CEP112: variants seen among roughly 807,000 people sequenced by gnomAD.
CEP112 encodes the protein centrosomal protein 112.
CEP112 carries 127 observed loss-of-function variants against 153.0 expected under a neutral mutation model. The ratio of observed to expected loss-of-function variants is 0.83; its 90% CI spans 0.72 to 0.96. The LOEUF (loss-of-function observed/expected upper bound fraction) is 0.96, where lower values mean the gene tolerates loss of function less well. Ranked by LOEUF, CEP112 falls within the 40% of genes least tolerant of loss-of-function variation. CEP112 has a pLI of 0.00. For missense variants in CEP112, 1,089 were observed against 1,101.2 expected, an observed-to-expected ratio of 0.99 and a Z score of 0.16; for synonymous variants, 358 against 374.4, an observed-to-expected ratio of 0.96 and a Z score of 0.51.
At chr17:65,992,430 T>A (rs2063627795) in intron 17 of CEP112, among the ~76,000 whole-genome samples, 1 of 152,198 alleles carries the variant, frequency 6.6e-6, no homozygotes, top group South Asian at 2.1e-4. Flanking sequence ...CAAGAAGCTA[T>A]ATGTCAGTTT....
intron 4 of CEP112, among the ~76,000 whole-genome samples, chr17:66,138,582 A>C (rs1328780863): frequency 6.6e-6 from 1 of 152,230 alleles, no homozygotes; most frequent in Non-Finnish European, 1.5e-5. Flanking sequence ...GTGTGTGAGT[A>C]AAAGTATTGA....
rs545839802 is a variant in CEP112 at position 65,754,420 on chromosome 17, C to T, written c.2395-3696G>A. Reference sequence around the variant, plus strand: ...GGCCAGGAGTTCGAGACCAGCCTGGCCAAAATGGTGAAACCCTGTCCCTAC... The same window carrying T: ...GGCCAGGAGTTCGAGACCAGCCTGGTCAAAATGGTGAAACCCTGTCCCTAC... On this transcript the variant is annotated intron_variant, in intron 21 of 26. Transcript: ENST00000535342. Among the ~76,000 whole-genome samples, 4 of 152,124 alleles carry T rather than the reference C, an allele frequency of 2.6e-5. No homozygotes were observed. In the South Asian group the frequency reaches 8.3e-4, roughly 32 times the overall value.
rs59802008 is a variant in CEP112, at chr17:66,188,286, A to AACACACAC, written c.-9+3703_-9+3710dup. Among the ~76,000 whole-genome samples, 804 of 109,466 alleles carry AACACACAC rather than the reference A, an allele frequency of 7.3e-3. 4 individuals carry two copies. The highest frequency in any genetic ancestry group is 9.9e-3 in the Middle Eastern group (2 of 202). The allele number at this position is 109,466 out of a possible 152,430, so 71.8% of individuals were successfully genotyped here. On this transcript the variant is annotated intron_variant, in intron 1 of 26. Transcript: ENST00000535342. ...GCCTGTCTCTCACACCACACACACA[A>AACACACAC]ACACACACACACACACACACACACA... is the stretch of plus-strand genomic sequence containing the variant.
chr17:65,880,545 T>C (rs1313067155), intron 20 of CEP112, among the ~76,000 whole-genome samples: 1 of 152,234 alleles, frequency 6.6e-6, no homozygotes, highest in African/African-American at 2.4e-5. Flanking sequence ...TAAAATGTGA[T>C]GACTATTTAC....
intron 22 of CEP112, among the ~76,000 whole-genome samples, chr17:65,744,059 GGCCT>G (rs1288812175): frequency 6.6e-6 from 1 of 152,050 alleles, no homozygotes; most frequent in East Asian, 1.9e-4. Flanking sequence ...CACTGTGCCC[GGCCT>G]GCCTATCTTT....
At chr17:65,955,619 A>G (rs2061976550) in intron 18 of CEP112, among the ~76,000 whole-genome samples, 1 of 152,184 alleles carries the variant, frequency 6.6e-6, no homozygotes, top group African/African-American at 2.4e-5. Flanking sequence ...CCTAACACAT[A>G]AGGACTCACA....
intron 23 of CEP112, among the ~76,000 whole-genome samples, chr17:65,716,195 C>T (rs1272668331): frequency 2.0e-5 from 3 of 151,808 alleles, no homozygotes; most frequent in Non-Finnish European, 4.4e-5. Flanking sequence ...CTCGCTCTGT[C>T]GCCCAGGCTG....
chr17:65,948,536 T>G (rs948670622), intron 18 of CEP112, among the ~76,000 whole-genome samples: 1 of 151,648 alleles, frequency 6.6e-6, no homozygotes, highest in East Asian at 1.9e-4. Context: ...TCACAGAGAA[T>G]AGGTAAATAT....
intron 6 of CEP112, among the ~76,000 whole-genome samples, chr17:66,107,712 A>G (rs2068845209): frequency 6.6e-6 from 1 of 152,172 alleles, no homozygotes; most frequent in Admixed American, 6.5e-5. Context: ...TAAAATGTCC[A>G]TACTACCCAA....
intron 8 of CEP112, among the ~76,000 whole-genome samples, chr17:66,085,488 A>G (rs565816853): frequency 6.6e-6 from 1 of 152,296 alleles, no homozygotes; most frequent in South Asian, 2.1e-4. Context: ...CACATAATAC[A>G]CAAAGATATG....
chr17:65,636,306 T>C (rs1250698162), intron 26 of CEP112, among the ~76,000 whole-genome samples: 1 of 152,222 alleles, frequency 6.6e-6, no homozygotes, highest in African/African-American at 2.4e-5. Context: ...AACCTTTGAC[T>C]ACAAAAGGTC....
At chr17:65,902,837 T>TG (rs2059925493) in intron 19 of CEP112, among the ~76,000 whole-genome samples, 1 of 152,312 alleles carries the variant, frequency 6.6e-6, no homozygotes, top group South Asian at 2.1e-4. Context: ...ATTATCTCGT[T>TG]GTCAGCTACG....
chr17:66,095,511 G>A (rs958921750), intron 8 of CEP112, among the ~76,000 whole-genome samples: 27 of 152,266 alleles, frequency 1.8e-4, no homozygotes, highest in African/African-American at 5.5e-4. Flanking sequence ...GAGGCCAGGC[G>A]ACAAGGAGTG....
At chr17:65,709,018 C>T (rs1000229521) in intron 23 of CEP112, among the ~76,000 whole-genome samples, 11 of 152,018 alleles carry the variant, frequency 7.2e-5, no homozygotes, top group African/African-American at 2.4e-4. Context: ...ATCCTATTTC[C>T]CCGGCTTCAG....
intron 20 of CEP112, among the ~76,000 whole-genome samples, chr17:65,857,447 G>C (rs940727691): frequency 7.2e-5 from 11 of 152,098 alleles, no homozygotes; most frequent in African/African-American, 2.7e-4. Context: ...TCTTGATACT[G>C]ATGGCTTGCT....
chr17:66,157,045 T>A (rs1397874130), intron 4 of CEP112, among the ~76,000 whole-genome samples: 2 of 152,050 alleles, frequency 1.3e-5, no homozygotes, highest in Non-Finnish European at 2.9e-5. Context: ...AAGACACTCC[T>A]CAAGAAGAGC....
chr17:66,070,328 A>C (rs1345071134), intron 8 of CEP112, among the ~76,000 whole-genome samples: 1 of 152,146 alleles, frequency 6.6e-6, no homozygotes, highest in Non-Finnish European at 1.5e-5. Flanking sequence ...TTACATTTAA[A>C]TCCACACAGT....
At chr17:66,105,161 GT>G (rs889164049) in intron 6 of CEP112, among the ~76,000 whole-genome samples, 4 of 152,124 alleles carry the variant, frequency 2.6e-5, no homozygotes, top group African/African-American at 9.7e-5. Flanking sequence ...GAAGTGTAGA[GT>G]TTTTATTAGT....
intron 17 of CEP112, among the ~76,000 whole-genome samples, chr17:65,974,538 A>C (rs2062961573): frequency 6.6e-6 from 1 of 152,186 alleles, no homozygotes; most frequent in Non-Finnish European, 1.5e-5. Context: ...AACAATACAA[A>C]AATTCATATC....
Sources: allele counts gnomAD v4.1 joint callset (sites outside exome capture counted in the v4.1 genomes callset), GRCh38; gene constraint gnomAD v4.1.1; transcripts MANE v1.5; gene names NCBI Gene and HGNC (gene_info 2026-07-23, HGNC 2026-07-21).